The following TENM1 variants were observed in gnomAD, a reference collection of about 807,000 sequenced individuals.
The protein encoded by TENM1 is teneurin-1.
In TENM1, 35 loss-of-function variants were observed where a neutral mutation model predicts 174.8. The ratio of observed to expected loss-of-function variants is 0.20; its 90% CI spans 0.15 to 0.27. TENM1 has a LOEUF of 0.27. TENM1 is among the 10% of genes least tolerant of loss of function. The pLI, the probability that TENM1 is intolerant of heterozygous loss-of-function variation, is 1.00. For missense variants in TENM1, 1,633 were observed against 2,130.1 expected, an observed-to-expected ratio of 0.77 and a Z score of 4.59; for synonymous variants, 781 against 798.7, an observed-to-expected ratio of 0.98 and a Z score of 0.37.
At chrX:124,664,977 ATGTCTAT>A (rs756609569) in intron 6 of TENM1, among the ~76,000 whole-genome samples, 90 of 111,506 alleles carry the variant, frequency 8.1e-4, no homozygotes, top group African/African-American at 2.7e-3. Context: ...GCCTTTAGTT[ATGTCTAT>A]TGTCTATTGC....
chrX:124,736,217 T>C (rs969175950), intron 4 of TENM1, among the ~76,000 whole-genome samples: 50 of 112,604 alleles, frequency 4.4e-4, no homozygotes, highest in African/African-American at 1.5e-3. Flanking sequence ...TATAAAGTTG[T>C]AATGTTTGAT....
At chrX:124,594,606 CAT>C (rs1451021728) in intron 11 of TENM1, among the ~76,000 whole-genome samples, 1 of 111,784 alleles carries the variant, frequency 8.9e-6, no homozygotes, top group Non-Finnish European at 1.9e-5. Flanking sequence ...CAAAAAGTAA[CAT>C]GAGATGATAG....
chrX:124,653,295 T>G (rs189749024), intron 7 of TENM1, among the ~76,000 whole-genome samples: 12 of 111,416 alleles, frequency 1.1e-4, no homozygotes, highest in African/African-American at 3.6e-4. Context: ...CTAAGCAAGA[T>G]GAGAGGTCTG....
chrX:124,982,576 G>A, the TENM1 span, among the ~76,000 whole-genome samples: 2 of 111,817 alleles, frequency 1.8e-5, no homozygotes, highest in Non-Finnish European at 3.8e-5. Context: ...AAGAACCTTT[G>A]CTACCAGCTC....
At chrX:124,561,280 C>G (rs754015612) in intron 14 of TENM1, among the ~76,000 whole-genome samples, 2 of 111,115 alleles carry the variant, frequency 1.8e-5, no homozygotes, top group African/African-American at 3.3e-5. Context: ...AGAAAATATG[C>G]TCTGAAGTCA....
the TENM1 span, among the ~76,000 whole-genome samples, chrX:125,076,241 C>T: frequency 3.6e-5 from 4 of 111,401 alleles, no homozygotes; most frequent in African/African-American, 6.5e-5. Context: ...ATGCCAGAAA[C>T]GTGTGTATGG....
At chrX:124,905,730 G>A (rs755694469) in intron 1 of TENM1, among the ~76,000 whole-genome samples, 2 of 111,643 alleles carry the variant, frequency 1.8e-5, no homozygotes, top group South Asian at 3.8e-4. Flanking sequence ...TTTGCAGTAC[G>A]GAGTACCAGA....
intron 1 of TENM1, among the ~76,000 whole-genome samples, chrX:124,905,625 C>G: frequency 9.0e-6 from 1 of 111,599 alleles, no homozygotes; most frequent in South Asian, 3.8e-4. Flanking sequence ...GTTTCCAGGC[C>G]TCAGGACAAG....
At chrX:125,201,154 T>C in the TENM1 span, among the ~76,000 whole-genome samples, 1 of 112,037 alleles carries the variant, frequency 8.9e-6, no homozygotes, top group East Asian at 2.8e-4. Context: ...TAGACTGTTC[T>C]GCTTCAGCAA....
chrX:124,386,610 C>T (rs945243275), intron 28 of TENM1, among the ~76,000 whole-genome samples: 1 of 111,072 alleles, frequency 9.0e-6, no homozygotes, highest in South Asian at 3.8e-4. Context: ...CAGGAGATGA[C>T]GTCAGCTATG....
chrX:124,970,012 C>T, the TENM1 span, among the ~76,000 whole-genome samples: 2 of 111,810 alleles, frequency 1.8e-5, no homozygotes, highest in Admixed American at 1.9e-4. Context: ...CTTCCTTTGT[C>T]CTCCTCTCCC....
chrX:124,608,062 A>G (rs1053010849), intron 11 of TENM1, among the ~76,000 whole-genome samples: 2 of 111,221 alleles, frequency 1.8e-5, no homozygotes, highest in Admixed American at 9.6e-5. Context: ...ACATGTGTAA[A>G]TCGATTGCTA....
In TENM1 at chrX:124,520,791, TAAAAAAAAAAAA is replaced by T; in HGVS notation, c.3034-19_3034-8del. ...GAATTTCCTCCTGTACAACCTGAAA[TAAAAAAAAAAAA>T]AAAAAGCCAAATAGGCTCTTGTCAG... On this transcript the variant is annotated splice_polypyrimidine_tract_variant and splice_region_variant and intron_variant, in intron 17 of 31. Transcript: ENST00000422452. 1 of 1,035,652 alleles carries T rather than the reference TAAAAAAAAAAAA, an allele frequency of 9.7e-7. No individual in the cohort carries two copies. Among genetic ancestry groups the T allele is most frequent in the Non-Finnish European group, 1.3e-6 (1 of 797,537 alleles). 85.3% of individuals were successfully genotyped at this position (1,035,652 alleles called of 1,213,427 possible).
At chrX:125,201,276 G>C in the TENM1 span, among the ~76,000 whole-genome samples, 1 of 111,749 alleles carries the variant, frequency 8.9e-6, no homozygotes. Flanking sequence ...AGAATTCTAG[G>C]GTATTCAGAC....
At position 124,520,793 on chromosome X, in the gene TENM1, A is replaced by C. The variant is rs1017115431; in HGVS notation, c.3034-9T>G. ...ATTTCCTCCTGTACAACCTGAAATA[A>C]AAAAAAAAAAAAAAAGCCAAATAGG... On this transcript the variant is annotated splice_polypyrimidine_tract_variant and intron_variant, in intron 17 of 31. Transcript: ENST00000422452. 16 of 250,544 alleles carry C rather than the reference A, an allele frequency of 6.4e-5. No homozygotes were observed. Among genetic ancestry groups the C allele is most frequent in the Non-Finnish European group, 8.4e-5 (16 of 190,796 alleles). 20.6% of individuals were successfully genotyped at this position (250,544 alleles called of 1,213,427 possible). A position where few individuals can be genotyped will look rare whatever the true frequency, so the allele number is the denominator to read the frequency against.
intron 23 of TENM1, among the ~76,000 whole-genome samples, chrX:124,445,095 A>T (rs2060951729): frequency 8.9e-6 from 1 of 111,995 alleles, no homozygotes; most frequent in Admixed American, 9.5e-5. Context: ...TGTCATGAGG[A>T]TTAAATAAGA....
the TENM1 span, among the ~76,000 whole-genome samples, chrX:124,976,576 G>A: frequency 1.8e-5 from 2 of 111,638 alleles, no homozygotes; most frequent in African/African-American, 3.2e-5. Flanking sequence ...TAAGCTTCTT[G>A]GATAAGAATG....
intron 3 of TENM1, among the ~76,000 whole-genome samples, chrX:124,855,066 A>G (rs2056789482): frequency 9.0e-6 from 1 of 111,707 alleles, no homozygotes. Context: ...TATTACCTAT[A>G]TAATTTTCAT....
At chrX:124,441,721 A>G (rs750603359) in intron 23 of TENM1, among the ~76,000 whole-genome samples, 1 of 112,534 alleles carries the variant, frequency 8.9e-6, no homozygotes, top group East Asian at 2.8e-4. Flanking sequence ...GTTGTGGTCC[A>G]GGCATGAGAA....
Sources: gnomAD v4.1 joint callset for allele counts (sites outside exome capture counted in the v4.1 genomes callset) on GRCh38, gnomAD v4.1.1 for gene constraint, MANE v1.5 for transcripts, NCBI Gene and HGNC (gene_info 2026-07-23, HGNC 2026-07-21) for gene names.